Variants in NOM1 observed in about 807,000 individuals in gnomAD.
NOM1 encodes the protein nucleolar MIF4G domain-containing protein 1.
A neutral mutation model predicts 73.3 loss-of-function variants in NOM1; 58 were observed. The ratio of observed to expected loss-of-function variants is 0.79; its 90% confidence interval spans 0.64 to 0.99. NOM1 has a LOEUF of 0.99. NOM1 is among the 50% of genes least tolerant of loss of function. The pLI is 0.00. For synonymous variants in NOM1, 487 were observed against 446.8 expected, an observed-to-expected ratio of 1.09 and a Z score of -1.14; for missense variants, 1,226 against 1,131.9, an observed-to-expected ratio of 1.08 and a Z score of -1.19.
intron 1 of NOM1, 145 bp from the exon 2 acceptor site, chr7:156,952,329 A>G: frequency 1.2e-6 from 1 of 821,600 alleles, no homozygotes; most frequent in Non-Finnish European, 1.9e-6. Context: ...AGCACTCAAT[A>G]AATCTGATGT....
At chr7:156,968,005 C>A (rs1990435) in intron 9 of NOM1, among the ~76,000 whole-genome samples, 81,379 of 151,940 alleles carry the variant, frequency 0.54, 22,039 homozygotes, top group Middle Eastern at 0.65. Context: ...CACAAGACAG[C>A]CGCAGCCACA....
rs1222660657 is a variant in NOM1 at position 156,969,529 on chromosome 7, A to AC, written c.2409_2410insC (p.Val804ArgfsTer3). ...ATGTGTTTATACGATTCCTTTCCAG[A>AC]GTATCTGACAACCCAAAGCTGGGGG... On this transcript the variant is annotated frameshift_variant and splice_region_variant, in exon 11 of 11. Transcript: ENST00000275820. LOFTEE classifies it low-confidence loss of function (END_TRUNC). 1 of 1,612,562 alleles carries AC rather than the reference A, an allele frequency of 6.2e-7. No individual in the cohort carries two copies.
chr7:156,959,164 G>T (rs777506132), intron 3 of NOM1, among the ~76,000 whole-genome samples: 10 of 151,336 alleles, frequency 6.6e-5, no homozygotes, highest in Non-Finnish European at 1.3e-4. Flanking sequence ...GTACAGTGGC[G>T]CAATCTCAGC....
At chr7:156,966,939 C>T (rs765487333) in intron 8 of NOM1, 22 bp from the exon 9 acceptor site, 4 of 1,585,534 alleles carry the variant, frequency 2.5e-6, no homozygotes, top group South Asian at 1.2e-5. Context: ...TGCCTTTTTT[C>T]TCCTTTTAAC....
rs565426690 is a variant in NOM1, at chr7:156,971,539, A to T, written c.*1836A>T. The T allele has an allele frequency of 1.3e-5, 2 of 151,912 alleles. No individual in the cohort carries two copies. The highest frequency in any genetic ancestry group is 1.3e-4 in the Admixed American group (2 of 15,204). The allele number at this position is 151,912 out of a possible 1,614,324, so 9.4% of individuals were successfully genotyped here. ...ATAGCTAGGACCACAAGCAGTAGAG[A>T]CAAGATCTCCGTATGTTATACAGGC... On this transcript the variant is annotated 3_prime_UTR_variant, in exon 11 of 11. Transcript: ENST00000275820.
At chr7:156,960,860 G>A (rs762874752) in intron 4 of NOM1, among the ~76,000 whole-genome samples, 5 of 152,214 alleles carry the variant, frequency 3.3e-5, no homozygotes, top group African/African-American at 1.2e-4. Context: ...TGGGGAGTAG[G>A]TGGTGGCAAA....
rs183869894 is a variant in NOM1, at chr7:156,952,671, A to G, written c.1112+73A>G. The G allele has an allele frequency of 1.6e-4, 242 of 1,511,314 alleles. No individual in the cohort carries two copies. In the African/African-American group the frequency reaches 3.1e-3, roughly 20 times the overall value. 93.6% of individuals were successfully genotyped at this position (1,511,314 alleles called of 1,614,324 possible). A position where few individuals can be genotyped will look rare whatever the true frequency, so the allele number is the denominator to read the frequency against. On this transcript the variant is annotated intron_variant, in intron 2 of 10. Coordinates refer to ENST00000275820, the MANE Select transcript of NOM1 (RefSeq NM_138400.2). ...TTTCCTAAAATGTAGGAATTATCCCAGCAATTCAAATAGAAGTGATGGGGA... is the reference window on the plus strand; with the variant it reads ...TTTCCTAAAATGTAGGAATTATCCCGGCAATTCAAATAGAAGTGATGGGGA...
At chr7:156,964,063 G>C (rs1307104560) in intron 7 of NOM1, 37 bp downstream of exon 7, 47 of 1,596,022 alleles carry the variant, frequency 2.9e-5, no homozygotes, top group Non-Finnish European at 3.8e-5. Flanking sequence ...CTATTAATGA[G>C]ATGCTGTAAA....
Position 156,964,970 on chromosome 7 carries a change from A to G in NOM1, c.2033+944A>G, listed in dbSNP as rs146413328. 5.7e-3 allele frequency among the ~76,000 whole-genome samples: 867 copies of G among 152,376 alleles called. 7 individuals carry two copies. The highest frequency in any genetic ancestry group is 0.02 in the African/African-American group (829 of 41,584). ...CTTCATGTGTTGAAAATTTTGGCCT[A>G]TCAAACTACGTGTATTAAACAATAG... is the stretch of plus-strand genomic sequence containing the variant. On this transcript the variant is annotated intron_variant, in intron 7 of 10. Coordinates refer to ENST00000275820, the MANE Select transcript of NOM1 (RefSeq NM_138400.2).
At position 156,950,413 on chromosome 7, in the gene NOM1, G is replaced by A. The variant is rs778183675; in HGVS notation, c.676G>A (p.Gly226Arg). Reference protein sequence around the residue: ...LDYILGALESGKNSGLYDSSG... With the variant: ...LDYILGALESRKNSGLYDSSG... The stretch of plus-strand genomic sequence containing the variant: ...CTATATTCTGGGAGCCCTGGAGTCT[G>A]GGAAAAATAGCGGCTTGTACGACAG... Residue 226 changes from glycine to arginine, a missense_variant, in exon 1 of 11, where the codon GGG becomes AGG. Physicochemically the swap from Gly to Arg is moderately radical, Grantham distance 125 (BLOSUM62 -2). Coordinates refer to ENST00000275820, the MANE Select transcript of NOM1 (RefSeq NM_138400.2). 1 of 1,614,226 alleles carries A rather than the reference G, an allele frequency of 6.2e-7. No homozygotes were observed. The highest frequency in any genetic ancestry group is 1.1e-5 in the South Asian group (1 of 91,088).
chr7:156,954,786 C>G (rs903590565), intron 3 of NOM1, among the ~76,000 whole-genome samples: 1 of 152,144 alleles, frequency 6.6e-6, no homozygotes, highest in Non-Finnish European at 1.5e-5. Flanking sequence ...GGATTACAGG[C>G]GGGAGCTGCC....
At position 156,954,592 on chromosome 7, in the gene NOM1, A is replaced by G. The variant is rs142131603; in HGVS notation, c.1308+294A>G. Reference sequence around the variant, plus strand: ...TAGGCTGGAGTGCAGTGGCACGATCACAGCTGCAGACTCGAGTGATCCTCC... The same window carrying G: ...TAGGCTGGAGTGCAGTGGCACGATCGCAGCTGCAGACTCGAGTGATCCTCC... On this transcript the variant is annotated intron_variant, in intron 3 of 10. Transcript: ENST00000275820. Among the ~76,000 whole-genome samples, 251 of 139,892 alleles carry G rather than the reference A, an allele frequency of 1.8e-3. 7 individuals are homozygous for G. The East Asian group carries it at 0.048, about 27-fold the overall frequency. 91.8% of individuals were successfully genotyped at this position (139,892 alleles called of 152,430 possible).
intron 1 of NOM1, among the ~76,000 whole-genome samples, chr7:156,951,480 T>C (rs1804591640): frequency 6.6e-6 from 1 of 152,212 alleles, no homozygotes; most frequent in African/African-American, 2.4e-5. Flanking sequence ...CCTTTGCATG[T>C]AGCTCATGGT....
intron 3 of NOM1, among the ~76,000 whole-genome samples, chr7:156,955,898 A>G (rs1411058818): frequency 6.6e-6 from 1 of 152,196 alleles, no homozygotes; most frequent in Non-Finnish European, 1.5e-5. Context: ...TTTAAGATGC[A>G]CATATTTGCC....
intron 4 of NOM1, 35 bp from the exon 5 acceptor site, chr7:156,962,116 A>G (rs1391095963): frequency 3.2e-6 from 5 of 1,578,500 alleles, no homozygotes; most frequent in South Asian, 1.1e-5. Flanking sequence ...ACTGTTTGAA[A>G]TGATGGACTT....
rs759538146 is a variant in NOM1, at chr7:156,949,743, G to A, written c.6G>A (p.Ala2=). 8 of 1,357,620 alleles carry A rather than the reference G, an allele frequency of 5.9e-6. No homozygotes were observed. Among genetic ancestry groups the A allele is most frequent in the African/African-American group, 1.5e-5 (1 of 65,792 alleles). The allele number at this position is 1,357,620 out of a possible 1,614,324, so 84.1% of individuals were successfully genotyped here. A position where few individuals can be genotyped will look rare whatever the true frequency, so the allele number is the denominator to read the frequency against. ...GCGTCCACGCGTTTCGAAAGATGGC[G>A]GCGTCCAGGAGCGCGGGAGAGGCCG... is the stretch of plus-strand genomic sequence containing the variant. M[A]ASRSAGEAGP... Residue 2 remains alanine (A), a synonymous_variant, in exon 1 of 11, where the codon GCG becomes GCA. Transcript: ENST00000275820.
In NOM1 at chr7:156,966,882, C is replaced by T. The variant is rs571299241; in HGVS notation, c.2167-79C>T. 16 of 1,395,780 alleles carry T rather than the reference C, an allele frequency of 1.1e-5. No individual in the cohort carries two copies. The South Asian group carries it at 2.0e-4, about 17-fold the overall frequency. The allele number at this position is 1,395,780 out of a possible 1,614,324, so 86.5% of individuals were successfully genotyped here. ...TAAAAATAAGATAATAAGAAAATAC[C>T]TTTAGGTTATGTTGTTAGTGATATA... is the stretch of plus-strand genomic sequence containing the variant. On this transcript the variant is annotated intron_variant, in intron 8 of 10. Transcript: ENST00000275820.
chr7:156,961,217 A>T (rs145477821), intron 4 of NOM1, among the ~76,000 whole-genome samples: 1,774 of 152,194 alleles, frequency 0.012, 34 homozygotes, highest in African/African-American at 0.041. Context: ...TGAGAAGGAA[A>T]TGAGGATGGT....
intron 10 of NOM1, 57 bp from the exon 11 acceptor site, chr7:156,969,472 T>G: frequency 4.6e-4 from 650 of 1,426,220 alleles, no homozygotes; most frequent in Non-Finnish European, 5.5e-4. Flanking sequence ...TACCCAGGAT[T>G]GAGATCTAGG....
Sources: allele counts gnomAD v4.1 joint callset (sites outside exome capture counted in the v4.1 genomes callset), GRCh38; gene constraint gnomAD v4.1.1; transcripts MANE v1.5; gene names NCBI Gene and HGNC (gene_info 2026-07-23, HGNC 2026-07-21).